Variants in WSCD2 observed in about 807,000 individuals in gnomAD.
WSCD2 encodes the protein sialate:O-sulfotransferase 2.
Under a neutral mutation model 55.7 loss-of-function variants are expected in WSCD2, and 28 were observed. The observed-to-expected ratio is 0.50, with a 90% CI of 0.37 to 0.69. The LOEUF (loss-of-function observed/expected upper bound fraction) is 0.69. Among genes scored for constraint, WSCD2 ranks in the 30% least tolerant of loss-of-function variants. The probability of loss-of-function intolerance (pLI) is 0.00; values close to 1 mark genes in which losing one functional copy is unlikely to be tolerated. For synonymous variants in WSCD2, 301 were observed against 301.9 expected, an observed-to-expected ratio of 1.00 and a Z score of 0.03; for missense variants, 616 against 762.1, an observed-to-expected ratio of 0.81 and a Z score of 2.26.
chr12:108,218,119 A>G (rs1481155863), intron 4 of WSCD2, among the ~76,000 whole-genome samples: 1 of 152,140 alleles, frequency 6.6e-6, no homozygotes, highest in East Asian at 1.9e-4. Context: ...AAGTTTATCC[A>G]TGTCCATCTC....
intron 2 of WSCD2, among the ~76,000 whole-genome samples, chr12:108,206,076 AGGCTT>A (rs1490133964): frequency 6.6e-6 from 1 of 152,170 alleles, no homozygotes; most frequent in African/African-American, 2.4e-5. Flanking sequence ...AGCCCACAGA[AGGCTT>A]CACTCCTCTC....
intron 1 of WSCD2, among the ~76,000 whole-genome samples, chr12:108,194,664 C>A (rs1169218328): frequency 6.6e-6 from 1 of 152,210 alleles, no homozygotes; most frequent in African/African-American, 2.4e-5. Flanking sequence ...TGCTAAATAA[C>A]CCTACTTTCC....
At chr12:108,174,078 C>A (rs2136977245) in intron 1 of WSCD2, among the ~76,000 whole-genome samples, 1 of 152,184 alleles carries the variant, frequency 6.6e-6, no homozygotes, top group Admixed American at 6.5e-5. Flanking sequence ...ATCACTGTCC[C>A]CACTTGACAG....
chr12:108,155,350 A>T (rs1212502110), intron 1 of WSCD2, among the ~76,000 whole-genome samples: 1 of 152,188 alleles, frequency 6.6e-6, no homozygotes, highest in Non-Finnish European at 1.5e-5. Flanking sequence ...CTAGTACCAT[A>T]TGCATACACC....
rs376999073 is a variant in WSCD2, at chr12:108,173,810, C to CTCTG, written c.-551-21471_-551-21470insCTGT. The stretch of plus-strand genomic sequence containing the variant: ...TGAGGCAGAGCTGATTCCTGGCTCT[C>CTCTG]TGTGTGTGTGTGTGTGTGTGTGTGT... On this transcript the variant is annotated intron_variant, in intron 1 of 8. Coordinates refer to ENST00000547525, the MANE Select transcript of WSCD2 (RefSeq NM_014653.4). Among the ~76,000 whole-genome samples the CTCTG allele has an allele frequency of 3.2e-3, 416 of 131,228 alleles. 4 individuals carry two copies. Among genetic ancestry groups the CTCTG allele is most frequent in the East Asian group, 0.017 (78 of 4,542 alleles). The allele number at this position is 131,228 out of a possible 152,430, so 86.1% of individuals were successfully genotyped here. A position where few individuals can be genotyped will look rare whatever the true frequency, so the allele number is the denominator to read the frequency against.
At chr12:108,160,435 C>A (rs144449307) in intron 1 of WSCD2, among the ~76,000 whole-genome samples, 4 of 152,308 alleles carry the variant, frequency 2.6e-5, no homozygotes, top group African/African-American at 9.6e-5. Flanking sequence ...ATTTTCTTGG[C>A]TTCTGGGGAG....
intron 1 of WSCD2, among the ~76,000 whole-genome samples, chr12:108,133,201 T>C (rs1475239848): frequency 6.6e-6 from 1 of 152,208 alleles, no homozygotes; most frequent in Non-Finnish European, 1.5e-5. Flanking sequence ...TGTATGTGTG[T>C]GTTTGTGAGT....
At chr12:108,185,116 G>A (rs1325406612) in intron 1 of WSCD2, among the ~76,000 whole-genome samples, 7 of 152,198 alleles carry the variant, frequency 4.6e-5, no homozygotes, top group Non-Finnish European at 8.8e-5. Flanking sequence ...ACATTTCCCT[G>A]AGCCCCAGCC....
At chr12:108,228,172 G>C (rs1299835446) in intron 6 of WSCD2, among the ~76,000 whole-genome samples, 1 of 152,092 alleles carries the variant, frequency 6.6e-6, no homozygotes, top group Non-Finnish European at 1.5e-5. Flanking sequence ...AGGGTGGGTG[G>C]CACTTGGATG....
intron 1 of WSCD2, among the ~76,000 whole-genome samples, chr12:108,172,369 G>A (rs566540933): frequency 1.6e-4 from 24 of 152,316 alleles, no homozygotes; most frequent in African/African-American, 5.8e-4. Flanking sequence ...ACTTGTCTGT[G>A]GTCACACAGT....
At chr12:108,196,364 A>G in intron 2 of WSCD2, 150 bp downstream of exon 2, 1 of 1,236,652 alleles carries the variant, frequency 8.1e-7, no homozygotes, top group Non-Finnish European at 1.1e-6. Context: ...TATCATCCCC[A>G]TTGCACAGAG....
chr12:108,205,134 A>G (rs1020104819), intron 2 of WSCD2, among the ~76,000 whole-genome samples: 4 of 152,108 alleles, frequency 2.6e-5, no homozygotes, highest in African/African-American at 9.7e-5. Flanking sequence ...GAGCATGACA[A>G]TGTCAATGTT....
intron 1 of WSCD2, among the ~76,000 whole-genome samples, chr12:108,180,605 T>A (rs1430388059): frequency 6.6e-6 from 1 of 152,188 alleles, no homozygotes; most frequent in Non-Finnish European, 1.5e-5. Flanking sequence ...TATGTTTTAC[T>A]AAGCAAGAGC....
At chr12:108,184,253 G>A (rs1361487159) in intron 1 of WSCD2, among the ~76,000 whole-genome samples, 1 of 152,132 alleles carries the variant, frequency 6.6e-6, no homozygotes, top group African/African-American at 2.4e-5. Context: ...TCCGGGACAG[G>A]GGAAGAGAAT....
intron 1 of WSCD2, among the ~76,000 whole-genome samples, chr12:108,178,855 C>T (rs1881266238): frequency 6.6e-6 from 1 of 152,176 alleles, no homozygotes; most frequent in Non-Finnish European, 1.5e-5. Context: ...ATAATTCAAC[C>T]CACAACCGCC....
Position 108,232,842 on chromosome 12 carries a change from C to T in WSCD2, c.1091C>T (p.Ala364Val). Residue 364 changes from alanine to valine, a missense_variant, in exon 7 of 9, where the codon GCC becomes GTC. Transcript: ENST00000547525. ...TGGGCTCGCCACCTCATTGAATTGG[C>T]CACAGGCTTCTACACTGGCAGCTAC... ...NTWARHLIEL[A>V]TGFYTGSYYF... is the part of the protein sequence containing the mutation. 6.2e-7 allele frequency: 1 copy of T among 1,614,044 alleles called. No homozygotes were observed. The highest frequency in any genetic ancestry group is 8.5e-7 in the Non-Finnish European group (1 of 1,179,976).
At chr12:108,181,005 C>T (rs538320251) in intron 1 of WSCD2, among the ~76,000 whole-genome samples, 3 of 152,352 alleles carry the variant, frequency 2.0e-5, no homozygotes, top group South Asian at 4.1e-4. Flanking sequence ...GCCTGTCCTG[C>T]AGGGGAGTCC....
At chr12:108,209,267 T>C (rs1020395726) in intron 3 of WSCD2, among the ~76,000 whole-genome samples, 1 of 152,204 alleles carries the variant, frequency 6.6e-6, no homozygotes, top group African/African-American at 2.4e-5. Flanking sequence ...TTTTGTCTTC[T>C]CTCGAAGGGG....
At chr12:108,247,857 T>G in intron 8 of WSCD2, 134 bp from the exon 9 acceptor site, 1 of 1,043,660 alleles carries the variant, frequency 9.6e-7, no homozygotes, top group Non-Finnish European at 1.4e-6. Context: ...TCACCTGGCC[T>G]GTATTATTAC....
Sources: gnomAD v4.1 joint callset for allele counts (sites outside exome capture counted in the v4.1 genomes callset) on GRCh38, gnomAD v4.1.1 for gene constraint, MANE v1.5 for transcripts, NCBI Gene and HGNC (gene_info 2026-07-23, HGNC 2026-07-21) for gene names.